The following BTNL8 variants were observed in gnomAD, a reference collection of about 807,000 sequenced individuals.
BTNL8 encodes butyrophilin like 8, also known as butyrophilin-like protein 8.
BTNL8 carries 22 observed loss-of-function variants against 36.1 expected under a neutral mutation model. That is an observed-to-expected ratio of 0.61 (90% CI 0.44 to 0.87). BTNL8 has a LOEUF of 0.87. Among genes scored for constraint, BTNL8 ranks in the 40% least tolerant of loss-of-function variants. The pLI is 0.00. For missense variants in BTNL8, 526 were observed against 616.9 expected (o/e 0.85, Z 1.56); for synonymous variants, 203 against 235.6 (o/e 0.86, Z 1.27).
intron 3 of BTNL8, among the ~76,000 whole-genome samples, chr5:180,912,243 G>T (rs1477408073): frequency 6.6e-6 from 1 of 152,038 alleles, no homozygotes; most frequent in African/African-American, 2.4e-5. Flanking sequence ...CAGGTCTTCT[G>T]GTTTCAACGT....
At chr5:180,915,554 T>A (rs1356109803) in intron 3 of BTNL8, among the ~76,000 whole-genome samples, 1 of 152,164 alleles carries the variant, frequency 6.6e-6, no homozygotes, top group Non-Finnish European at 1.5e-5. Context: ...TCTGAGAGAC[T>A]TCCAGAGTAT....
At chr5:180,917,033 A>G (rs998650892) in intron 3 of BTNL8, among the ~76,000 whole-genome samples, 5 of 149,282 alleles carry the variant, frequency 3.3e-5, no homozygotes, top group African/African-American at 1.0e-4. Context: ...CTACGGCACT[A>G]TGAAAAATCA....
Position 180,920,890 on chromosome 5 carries a change from G to A in BTNL8, c.673+9276G>A, listed in dbSNP as rs144602345. 4.1e-4 allele frequency among the ~76,000 whole-genome samples: 63 copies of A among 152,064 alleles called. No homozygotes were observed. The East Asian group carries it at 0.011, about 27-fold the overall frequency. ...GGAAATTCAATCAAAAGTATAAGGA[G>A]AGATCACCTCATACTTGTTAGACTG... On this transcript the variant is annotated intron_variant, in intron 3 of 7. Transcript: ENST00000340184.
chr5:180,922,060 T>G (rs979716046), intron 3 of BTNL8, among the ~76,000 whole-genome samples: 3 of 133,998 alleles, frequency 2.2e-5, no homozygotes, highest in African/African-American at 9.4e-5. Context: ...CATTTCTGAT[T>G]GTGTTTATTT....
chr5:180,931,260 T>C (rs113310114), intron 3 of BTNL8, among the ~76,000 whole-genome samples: 68,221 of 151,938 alleles, frequency 0.45, 16,409 homozygotes, highest in African/African-American at 0.63. Context: ...TAGCCATACG[T>C]GGAAAACTGA....
At chr5:180,918,145 T>C (rs887802426) in intron 3 of BTNL8, among the ~76,000 whole-genome samples, 57 of 152,052 alleles carry the variant, frequency 3.7e-4, no homozygotes, top group Admixed American at 7.2e-4. Flanking sequence ...AGGCCACAGT[T>C]ACCCTGATAC....
intron 3 of BTNL8, among the ~76,000 whole-genome samples, chr5:180,926,542 C>A (rs780688418): frequency 6.6e-6 from 1 of 152,184 alleles, no homozygotes; most frequent in Non-Finnish European, 1.5e-5. Context: ...GATCCCACCC[C>A]CATGGAGCCC....
chr5:180,930,463 A>G (rs1216501994), intron 3 of BTNL8, among the ~76,000 whole-genome samples: 1 of 152,224 alleles, frequency 6.6e-6, no homozygotes, highest in Non-Finnish European at 1.5e-5. Flanking sequence ...TGGCCTGGGC[A>G]GTCAGGCAAG....
chr5:180,908,128 T>G (rs1757187540), intron 1 of BTNL8, among the ~76,000 whole-genome samples: 1 of 152,208 alleles, frequency 6.6e-6, no homozygotes. Context: ...TGCCTTGCAG[T>G]TTGATCTCAG....
intron 3 of BTNL8, among the ~76,000 whole-genome samples, chr5:180,913,879 C>T (rs1757512111): frequency 6.6e-6 from 1 of 152,134 alleles, no homozygotes; most frequent in Non-Finnish European, 1.5e-5. Flanking sequence ...TCATGGGCCG[C>T]CAAGTTGCAA....
chr5:180,923,918 A>T (rs1757982654), intron 3 of BTNL8, among the ~76,000 whole-genome samples: 1 of 152,206 alleles, frequency 6.6e-6, no homozygotes, highest in Non-Finnish European at 1.5e-5. Context: ...ATATTTAATA[A>T]AATATTTTTA....
At chr5:180,912,273 C>T (rs1216311679) in intron 3 of BTNL8, among the ~76,000 whole-genome samples, 1 of 152,134 alleles carries the variant, frequency 6.6e-6, no homozygotes, top group Non-Finnish European at 1.5e-5. Flanking sequence ...ATTGGCTCTC[C>T]TGGGGCTCCA....
chr5:180,907,569 A>ACTGCGTTCCTTTGGAGGAGGAGAGGCG, intron 1 of BTNL8, among the ~76,000 whole-genome samples: 1 of 146,824 alleles, frequency 6.8e-6, no homozygotes, highest in Non-Finnish European at 1.5e-5. Context: ...CTGGTGAGGA[A>ACTGCGTTCCTTTGGAGGAGGAGAGGCG]CTGCGTTCCT....
In BTNL8 at chr5:180,950,676, A is replaced by G; in HGVS notation, c.*132A>G. On this transcript the variant is annotated 3_prime_UTR_variant, in exon 8 of 8. Transcript: ENST00000340184. ...CCTGTCCACATGGGAGTCAGGTGTCATGGCTGCCCTGAGCTGGGAGGGAAG... is the reference window on the plus strand; with the variant it reads ...CCTGTCCACATGGGAGTCAGGTGTCGTGGCTGCCCTGAGCTGGGAGGGAAG... 2 of 942,770 alleles carry G rather than the reference A, an allele frequency of 2.1e-6. 1 individual carries two copies. Among genetic ancestry groups the G allele is most frequent in the Non-Finnish European group, 3.1e-6 (2 of 647,668 alleles). The allele number at this position is 942,770 out of a possible 1,614,324, so 58.4% of individuals were successfully genotyped here. A position where few individuals can be genotyped will look rare whatever the true frequency, so the allele number is the denominator to read the frequency against.
intron 3 of BTNL8, among the ~76,000 whole-genome samples, chr5:180,917,403 G>A (rs370802621): frequency 2.8e-5 from 1 of 36,296 alleles, no homozygotes; most frequent in African/African-American, 1.6e-4. Context: ...CCAACAAACT[G>A]GATAACCTAG....
chr5:180,920,900 C>T (rs1043232561), intron 3 of BTNL8, among the ~76,000 whole-genome samples: 1 of 151,996 alleles, frequency 6.6e-6, no homozygotes. Context: ...GAGATCACCT[C>T]ATACTTGTTA....
intron 2 of BTNL8, among the ~76,000 whole-genome samples, chr5:180,910,379 T>C (rs1757334084): frequency 6.6e-6 from 1 of 152,222 alleles, no homozygotes; most frequent in Admixed American, 6.5e-5. Flanking sequence ...CCAGGATATA[T>C]GGCCCAGAAC....
chr5:180,915,098 G>C (rs1008213857), intron 3 of BTNL8, among the ~76,000 whole-genome samples: 1 of 151,864 alleles, frequency 6.6e-6, no homozygotes, highest in African/African-American at 2.4e-5. Flanking sequence ...AGAGGAGGGG[G>C]CTTATGGCAG....
In BTNL8 at chr5:180,935,536, C is replaced by T. The variant is rs1214253395; in HGVS notation, c.674-11976C>T. Among the ~76,000 whole-genome samples the T allele has an allele frequency of 6.6e-6, 1 of 152,236 alleles. No individual in the cohort carries two copies. Among genetic ancestry groups the T allele is most frequent in the Non-Finnish European group, 1.5e-5 (1 of 68,044 alleles). On this transcript the variant is annotated intron_variant, in intron 3 of 7. Coordinates refer to ENST00000340184, the MANE Select transcript of BTNL8 (RefSeq NM_001040462.3). This position sits in a 1 kb window ranked among gnomAD's most constrained non-coding sequence, Gnocchi z 4.8. ...CAACTTTGCTTTGCACTGGAGTGGA[C>T]ACCAGGAGCAGGGAGAGGGTAGGAA...
Sources: allele counts gnomAD v4.1 joint callset (sites outside exome capture counted in the v4.1 genomes callset), GRCh38; gene constraint gnomAD v4.1.1; non-coding constraint Gnocchi (gnomAD v3.1); transcripts MANE v1.5; gene names NCBI Gene and HGNC (gene_info 2026-07-23, HGNC 2026-07-21).